The following ZMYM4 variants were observed in gnomAD, a reference collection of about 807,000 sequenced individuals.
ZMYM4 encodes zinc finger MYM-type containing 4, also known as zinc finger MYM-type protein 4.
A neutral mutation model predicts 183.2 loss-of-function variants in ZMYM4; 31 were observed. That is an observed-to-expected ratio of 0.17 (90% confidence interval 0.13 to 0.23). ZMYM4 has a LOEUF of 0.23. Among genes scored for constraint, ZMYM4 ranks in the 10% least tolerant of loss-of-function variants. The pLI is 1.00. For synonymous variants in ZMYM4, 592 were observed against 631.2 expected (o/e 0.94, Z 0.93); for missense variants, 1,273 against 1,840.3 (o/e 0.69, Z 5.64).
In ZMYM4 at chr1:35,400,448, A is replaced by T. The variant is rs967672195; in HGVS notation, c.3528+872A>T. On this transcript the variant is annotated intron_variant, in intron 23 of 29. Transcript: ENST00000314607. ...TCTCGATCTCCTGACCTCGTGATCC[A>T]CCCGCCTTGGCCTCCCAAAGTGCTG... is the stretch of plus-strand genomic sequence containing the variant. 4 of 151,500 alleles carry T rather than the reference A, an allele frequency of 2.6e-5. 1 individual carries two copies. In the South Asian group the frequency reaches 8.4e-4, roughly 32 times the overall value. The allele number at this position is 151,500 out of a possible 1,614,324, so 9.4% of individuals were successfully genotyped here. A position where few individuals can be genotyped will look rare whatever the true frequency, so the allele number is the denominator to read the frequency against.
chr1:35,351,352 T>C, intron 2 of ZMYM4: 2 of 1,569,748 alleles, frequency 1.3e-6, no homozygotes, highest in Non-Finnish European at 1.7e-6. Context: ...CACTACTTAA[T>C]GAAAGAAGAT....
chr1:35,364,280 C>G lies in ZMYM4; in HGVS notation c.840+2491C>G, dbSNP rs549051827. Among the ~76,000 whole-genome samples the G allele has an allele frequency of 2.6e-5, 4 of 152,248 alleles. No individual in the cohort carries two copies. In the East Asian group the frequency reaches 7.7e-4, roughly 29 times the overall value. ...ATAAGATCCAAAAGCATTCTTTACC[C>G]TGACCCCACAATAAGGGACTTGTAG... On this transcript the variant is annotated intron_variant, in intron 5 of 29. Transcript: ENST00000314607.
rs1553179029 is a variant in ZMYM4 at position 35,389,768 on chromosome 1, A to AATAT, written c.2437-169_2437-166dup. On this transcript the variant is annotated intron_variant, in intron 14 of 29. Coordinates refer to ENST00000314607, the MANE Select transcript of ZMYM4 (RefSeq NM_005095.3). This position sits in a 1 kb window ranked among gnomAD's most constrained non-coding sequence, Gnocchi z 4.0. ...AGGCTCTGTCTCAAAAAAAAAAAAA[A>AATAT]ATATATATATATATGTGTGTGTGTG... 7.2e-6 allele frequency among the ~76,000 whole-genome samples: 1 copy of AATAT among 138,696 alleles called. No homozygotes were observed. The highest frequency in any genetic ancestry group is 1.5e-5 in the Non-Finnish European group (1 of 66,576). The allele number at this position is 138,696 out of a possible 152,430, so 91.0% of individuals were successfully genotyped here.
intron 2 of ZMYM4, 108 bp downstream of exon 2, chr1:35,325,513 A>G: frequency 9.5e-7 from 1 of 1,057,298 alleles, no homozygotes; most frequent in Non-Finnish European, 1.3e-6. Flanking sequence ...GATTTATGTG[A>G]TGGTTCAATC....
rs770000061 is a variant in ZMYM4 at position 35,418,451 on chromosome 1, A to G, written c.4318A>G (p.Thr1440Ala). Residue 1440 changes from threonine (T) to alanine (A), a missense_variant, in exon 29 of 30, where the codon ACT becomes GCT. Physicochemically the swap from Thr to Ala is moderately conservative, Grantham distance 58. Transcript: ENST00000314607. ...TTATTTCCTGTCTCAAGATAAACTG[A>G]CTGTTGGCAAGAGGAAACGAAATGA... is the stretch of plus-strand genomic sequence containing the variant. ...QKQESEPDKL[T>A]VGKRKRNEDD... 2.0e-5 allele frequency: 33 copies of G among 1,613,694 alleles called. No individual in the cohort carries two copies. Among genetic ancestry groups the G allele is most frequent in the Non-Finnish European group, 2.7e-5 (32 of 1,179,906 alleles).
At position 35,398,431 on chromosome 1, in the gene ZMYM4, A is replaced by G; in HGVS notation, c.3218A>G (p.His1073Arg). Residue 1073 changes from histidine (H) to arginine (R), a missense_variant, in exon 21 of 30, where the codon CAC (histidine) becomes CGC (arginine). This residue lies in a region of ZMYM4 where 290 missense variants were observed against 353.3 expected (regional missense o/e 0.82). Coordinates refer to ENST00000314607, the MANE Select transcript of ZMYM4 (RefSeq NM_005095.3). ...TCTTTAGAGTCCCAAACTTCTGAAC[A>G]CGAACTCTTTCTAGACACCAAGATA... ...LSQGESQTSE[H>R]ELFLDTKIFE... 6.2e-7 allele frequency: 1 copy of G among 1,611,204 alleles called. No homozygotes were observed. The highest frequency in any genetic ancestry group is 8.5e-7 in the Non-Finnish European group (1 of 1,179,056).
chr1:35,382,173 TACACAC>T (rs1644473678), intron 9 of ZMYM4, among the ~76,000 whole-genome samples: 1 of 121,148 alleles, frequency 8.3e-6, no homozygotes, highest in Admixed American at 8.8e-5. Context: ...AATGTATATA[TACACAC>T]ATACACACAC....
At chr1:35,339,712 T>A (rs1643126599) in intron 2 of ZMYM4, among the ~76,000 whole-genome samples, 1 of 152,202 alleles carries the variant, frequency 6.6e-6, no homozygotes, top group Non-Finnish European at 1.5e-5. Flanking sequence ...TATTATTTCC[T>A]AAAATCTTTA....
chr1:35,331,247 T>C (rs1479998082), intron 2 of ZMYM4, among the ~76,000 whole-genome samples: 3 of 152,220 alleles, frequency 2.0e-5, no homozygotes, highest in Non-Finnish European at 4.4e-5. Flanking sequence ...TCTTTAGGGA[T>C]ATAAACATGG....
intron 1 of ZMYM4, among the ~76,000 whole-genome samples, chr1:35,270,153 G>A (rs565852626): frequency 4.6e-5 from 7 of 152,226 alleles, no homozygotes; most frequent in Admixed American, 3.9e-4. Flanking sequence ...ACTCCTCCTA[G>A]AACCTATTTG....
intron 1 of ZMYM4, among the ~76,000 whole-genome samples, chr1:35,324,975 G>A (rs1642444277): frequency 6.6e-6 from 1 of 151,682 alleles, no homozygotes; most frequent in South Asian, 2.1e-4. Flanking sequence ...AGCAAAAGCT[G>A]TTAATTTTTC....
intron 1 of ZMYM4, among the ~76,000 whole-genome samples, chr1:35,302,631 C>T (rs947817480): frequency 6.6e-6 from 1 of 151,924 alleles, no homozygotes; most frequent in African/African-American, 2.4e-5. Context: ...ATGATCCGCC[C>T]TCCTCGGCCT....
intron 2 of ZMYM4, among the ~76,000 whole-genome samples, chr1:35,349,877 T>G (rs1486776701): frequency 1.3e-5 from 2 of 151,620 alleles, no homozygotes; most frequent in Non-Finnish European, 2.9e-5. Flanking sequence ...AGTGCTAACT[T>G]AAGCTTTTAT....
At chr1:35,282,030 T>C (rs1640195736) in intron 1 of ZMYM4, among the ~76,000 whole-genome samples, 1 of 152,248 alleles carries the variant, frequency 6.6e-6, no homozygotes, top group African/African-American at 2.4e-5. Flanking sequence ...TGTGTGCATA[T>C]ACATTTTGTT....
At position 35,293,185 on chromosome 1, in the gene ZMYM4, T is replaced by G. The variant is rs139002802; in HGVS notation, c.39+24100T>G. ...TCGGCTAATTTTTTTTTCTATTTGT[T>G]GTAGAGACAGGGTCTTCCTATGTTA... On this transcript the variant is annotated intron_variant, in intron 1 of 29. Transcript: ENST00000314607. Among the ~76,000 whole-genome samples the G allele has an allele frequency of 4.7e-4, 71 of 151,798 alleles. 1 individual carries two copies. In the East Asian group the frequency reaches 0.014, roughly 29 times the overall value.
intron 1 of ZMYM4, among the ~76,000 whole-genome samples, chr1:35,302,200 C>CCTTTTTTTTT (rs1641311910): frequency 1.7e-5 from 1 of 58,556 alleles, no homozygotes; most frequent in African/African-American, 6.4e-5. Context: ...ACGGCTCTTG[C>CCTTTTTTTTT]TTTTTTTTTT....
At chr1:35,281,581 A>G (rs185643397) in intron 1 of ZMYM4, among the ~76,000 whole-genome samples, 1 of 151,976 alleles carries the variant, frequency 6.6e-6, no homozygotes, top group Non-Finnish European at 1.5e-5. Context: ...CACCGTATAC[A>G]TACGTGTGTA....
intron 9 of ZMYM4, among the ~76,000 whole-genome samples, chr1:35,385,009 A>AT (rs1057307084): frequency 1.5e-4 from 22 of 151,264 alleles, no homozygotes; most frequent in African/African-American, 4.6e-4. Flanking sequence ...TGCCTGGCTA[A>AT]TTTTTTTTGT....
At chr1:35,272,617 C>T (rs1043939120) in intron 1 of ZMYM4, among the ~76,000 whole-genome samples, 22 of 152,148 alleles carry the variant, frequency 1.4e-4, no homozygotes, top group Admixed American at 3.9e-4. Flanking sequence ...TCTTTCATAG[C>T]GTCCTTTACT....
Sources: allele counts gnomAD v4.1 joint callset (sites outside exome capture counted in the v4.1 genomes callset), GRCh38; gene constraint gnomAD v4.1.1; regional missense constraint gnomAD v4.1.1; non-coding constraint Gnocchi (gnomAD v3.1); transcripts MANE v1.5; gene names NCBI Gene and HGNC (gene_info 2026-07-23, HGNC 2026-07-21).